The following STMP1 variants were observed in gnomAD, a reference collection of about 807,000 sequenced individuals.
STMP1 encodes the protein mitolamban.
In STMP1, 7 loss-of-function variants were observed where a neutral mutation model predicts 7.0. That is an observed-to-expected ratio of 1.01 (90% CI 0.57 to 1.89). The LOEUF is 1.89. Ranked by LOEUF, STMP1 falls within the 40% of genes most tolerant of loss-of-function variation. The pLI is 0.00. For synonymous variants in STMP1, 19 were observed against 18.4 expected (o/e 1.03, Z -0.08); for missense variants, 45 against 53.0 (o/e 0.85, Z 0.47).
rs1795395947 is a variant in STMP1, at chr7:135,674,996, G to T, written c.*831G>T. 2 of 152,084 alleles carry T rather than the reference G, an allele frequency of 1.3e-5. No homozygotes were observed. The highest frequency in any genetic ancestry group is 2.4e-5 in the African/African-American group (1 of 41,406). The allele number at this position is 152,084 out of a possible 1,614,324, so 9.4% of individuals were successfully genotyped here. ...TTTATATTATTACTTTGTAGTGATT[G>T]TCTTAAGAAAAAATATAGCCCAAAT... On this transcript the variant is annotated 3_prime_UTR_variant, in exon 3 of 3. Coordinates refer to ENST00000507606, the MANE Select transcript of STMP1 (RefSeq NM_001130929.2).
At chr7:135,672,893 G>A in intron 2 of STMP1, 87 bp downstream of exon 2, 1 of 1,105,870 alleles carries the variant, frequency 9.0e-7, no homozygotes, top group South Asian at 1.4e-5. Flanking sequence ...GTGACTTCCA[G>A]CATAAATGTA....
In STMP1 at chr7:135,675,275, C is replaced by G. The variant is rs534905154; in HGVS notation, c.*1110C>G. ...GTTTGACAAGTTACTGTTACCACTT[C>G]GCCTTATACTTTTGAGAAAGAGTCT... On this transcript the variant is annotated 3_prime_UTR_variant, in exon 3 of 3. Coordinates refer to ENST00000507606, the MANE Select transcript of STMP1 (RefSeq NM_001130929.2). 6.6e-6 allele frequency: 1 copy of G among 152,304 alleles called. No individual in the cohort carries two copies. Among genetic ancestry groups the G allele is most frequent in the Admixed American group, 6.5e-5 (1 of 15,300 alleles). 9.4% of individuals were successfully genotyped at this position (152,304 alleles called of 1,614,324 possible). A position where few individuals can be genotyped will look rare whatever the true frequency, so the allele number is the denominator to read the frequency against.
rs1024699243 is a variant in STMP1 at position 135,675,400 on chromosome 7, T to A, written c.*1235T>A. 5.9e-5 allele frequency: 9 copies of A among 152,136 alleles called. No individual in the cohort carries two copies. Among genetic ancestry groups the A allele is most frequent in the Non-Finnish European group, 1.3e-4 (9 of 68,010 alleles). The allele number at this position is 152,136 out of a possible 1,614,324, so 9.4% of individuals were successfully genotyped here. ...TTTTCTTTTTTAATGGAGATCATTCTATACCAGCATGTAAGTAGCAAGGAA... is the reference window on the plus strand; with the variant it reads ...TTTTCTTTTTTAATGGAGATCATTCAATACCAGCATGTAAGTAGCAAGGAA... On this transcript the variant is annotated 3_prime_UTR_variant, in exon 3 of 3. Transcript: ENST00000507606.
At chr7:135,663,208 GT>G in intron 1 of STMP1, among the ~76,000 whole-genome samples, 1 of 152,246 alleles carries the variant, frequency 6.6e-6, no homozygotes, top group East Asian at 1.9e-4. Context: ...TTAAAAACGA[GT>G]TTTCTGGCAA....
At chr7:135,665,356 T>A (rs535659657) in intron 1 of STMP1, among the ~76,000 whole-genome samples, 54 of 152,332 alleles carry the variant, frequency 3.5e-4, no homozygotes, top group African/African-American at 1.3e-3. Context: ...TTCATATTCC[T>A]CCTCAGATTA....
rs549818569 is a variant in STMP1 at position 135,675,563 on chromosome 7, G to A, written c.*1398G>A. 5 of 152,156 alleles carry A rather than the reference G, an allele frequency of 3.3e-5. No homozygotes were observed. The highest frequency in any genetic ancestry group is 5.9e-5 in the Non-Finnish European group (4 of 68,014). The allele number at this position is 152,156 out of a possible 1,614,324, so 9.4% of individuals were successfully genotyped here. On this transcript the variant is annotated 3_prime_UTR_variant, in exon 3 of 3. Transcript: ENST00000507606. The stretch of plus-strand genomic sequence containing the variant: ...CAATCCTAATGTTATTAAGCATATC[G>A]ATTCAGGGTATAGCTATAAGATGAA...
At chr7:135,666,775 T>C (rs181913384) in intron 1 of STMP1, among the ~76,000 whole-genome samples, 1 of 152,372 alleles carries the variant, frequency 6.6e-6, no homozygotes, top group African/African-American at 2.4e-5. Context: ...CACCAGTTGA[T>C]GGACATTCAA....
intron 1 of STMP1, among the ~76,000 whole-genome samples, chr7:135,669,693 T>C (rs906781840): frequency 6.6e-6 from 1 of 152,244 alleles, no homozygotes; most frequent in Non-Finnish European, 1.5e-5. Flanking sequence ...CTTTGTAATC[T>C]AAATGTATTA....
chr7:135,662,538 G>A lies in STMP1; in HGVS notation c.-42G>A. 1 of 1,542,776 alleles carries A rather than the reference G, an allele frequency of 6.5e-7. No individual in the cohort carries two copies. The highest frequency in any genetic ancestry group is 8.7e-7 in the Non-Finnish European group (1 of 1,143,754). ...TAGGCTCGGACCGGCCCGCGGAGCT[G>A]CTGCAGTCCTTCGCGCCCTCCTCGC... On this transcript the variant is annotated 5_prime_UTR_variant, in exon 1 of 3. Coordinates refer to ENST00000507606, the MANE Select transcript of STMP1 (RefSeq NM_001130929.2).
At chr7:135,668,657 T>G (rs1795323288) in intron 1 of STMP1, among the ~76,000 whole-genome samples, 1 of 152,240 alleles carries the variant, frequency 6.6e-6, no homozygotes, top group Admixed American at 6.5e-5. Context: ...TCTCACCTTG[T>G]CTTCCCAAAG....
At chr7:135,668,292 A>G (rs1795316504) in intron 1 of STMP1, among the ~76,000 whole-genome samples, 1 of 151,944 alleles carries the variant, frequency 6.6e-6, no homozygotes, top group Non-Finnish European at 1.5e-5. Flanking sequence ...TCTTTTCATC[A>G]TCTAATAGGT....
chr7:135,663,278 T>C (rs1795254978), intron 1 of STMP1, among the ~76,000 whole-genome samples: 1 of 152,248 alleles, frequency 6.6e-6, no homozygotes, highest in Admixed American at 6.5e-5. Context: ...CATCAAATTT[T>C]CAAGTGAAAG....
intron 1 of STMP1, 127 bp from the exon 2 acceptor site, chr7:135,672,626 A>G: frequency 1.4e-6 from 1 of 693,066 alleles, no homozygotes; most frequent in Non-Finnish European, 2.5e-6. Context: ...ACAGCCCTAG[A>G]CTGGACATCA....
chr7:135,664,150 A>AT (rs1795268218), intron 1 of STMP1, among the ~76,000 whole-genome samples: 1 of 152,164 alleles, frequency 6.6e-6, no homozygotes, highest in Admixed American at 6.5e-5. Flanking sequence ...AATGACAGTC[A>AT]TTTTCTTGTA....
rs1468246068 is a variant in STMP1, at chr7:135,662,550, C to T, written c.-30C>T. 4 of 1,545,874 alleles carry T rather than the reference C, an allele frequency of 2.6e-6. No individual in the cohort carries two copies. Among genetic ancestry groups the T allele is most frequent in the East Asian group, 2.5e-5 (1 of 40,002 alleles). On this transcript the variant is annotated 5_prime_UTR_variant, in exon 1 of 3. Coordinates refer to ENST00000507606, the MANE Select transcript of STMP1 (RefSeq NM_001130929.2). ...GGCCCGCGGAGCTGCTGCAGTCCTT[C>T]GCGCCCTCCTCGCCCTCCCCACCGA...
rs576088997 is a variant in STMP1 at position 135,666,534 on chromosome 7, A to G, written c.15+3940A>G. ...CGGCTAATTTTTGTATTTTTAGTAG[A>G]AACAGCCATGTTGGCCAGGCTGGTC... On this transcript the variant is annotated intron_variant, in intron 1 of 2. Coordinates refer to ENST00000507606, the MANE Select transcript of STMP1 (RefSeq NM_001130929.2). Among the ~76,000 whole-genome samples the G allele has an allele frequency of 4.7e-4, 72 of 151,632 alleles. No individual in the cohort carries two copies. The South Asian group carries it at 0.015, about 31-fold the overall frequency.
At chr7:135,668,265 C>G (rs1795316364) in intron 1 of STMP1, among the ~76,000 whole-genome samples, 1 of 152,016 alleles carries the variant, frequency 6.6e-6, no homozygotes, top group Non-Finnish European at 1.5e-5. Flanking sequence ...AAAAAATTAC[C>G]TTTTTAAATT....
At position 135,675,389 on chromosome 7, in the gene STMP1, G is replaced by A. The variant is rs1795402158; in HGVS notation, c.*1224G>A. The A allele has an allele frequency of 6.6e-6, 1 of 150,796 alleles. No individual in the cohort carries two copies. Among genetic ancestry groups the A allele is most frequent in the Admixed American group, 6.6e-5 (1 of 15,160 alleles). The allele number at this position is 150,796 out of a possible 1,614,324, so 9.3% of individuals were successfully genotyped here. On this transcript the variant is annotated 3_prime_UTR_variant, in exon 3 of 3. Coordinates refer to ENST00000507606, the MANE Select transcript of STMP1 (RefSeq NM_001130929.2). ...TTTTTTTCTTTTTTTCTTTTTTAAT[G>A]GAGATCATTCTATACCAGCATGTAA... is the stretch of plus-strand genomic sequence containing the variant.
chr7:135,674,081 C>A lies in STMP1; in HGVS notation c.70-10C>A. ...ATGCAAAATTATAATAACCTTTTTT[C>A]TCTTCAAAGATACCAAACCTGGCTA... is the stretch of plus-strand genomic sequence containing the variant. On this transcript the variant is annotated splice_polypyrimidine_tract_variant and intron_variant, in intron 2 of 2. Coordinates refer to ENST00000507606, the MANE Select transcript of STMP1 (RefSeq NM_001130929.2). 6.5e-7 allele frequency: 1 copy of A among 1,530,930 alleles called. No individual in the cohort carries two copies. The highest frequency in any genetic ancestry group is 1.2e-5 in the South Asian group (1 of 81,236). 94.8% of individuals were successfully genotyped at this position (1,530,930 alleles called of 1,614,324 possible). A position where few individuals can be genotyped will look rare whatever the true frequency, so the allele number is the denominator to read the frequency against.
Sources: gnomAD v4.1 joint callset for allele counts (sites outside exome capture counted in the v4.1 genomes callset) on GRCh38, gnomAD v4.1.1 for gene constraint, MANE v1.5 for transcripts, NCBI Gene and HGNC (gene_info 2026-07-23, HGNC 2026-07-21) for gene names.